Variants in CCDC146 observed in about 807,000 individuals in gnomAD.
The protein encoded by CCDC146 is coiled-coil domain-containing protein 146.
CCDC146 carries 92 observed loss-of-function variants against 119.3 expected under a neutral mutation model. The observed-to-expected ratio is 0.77, with a 90% CI of 0.65 to 0.92. CCDC146 has a LOEUF of 0.92. Among genes scored for constraint, CCDC146 ranks in the 40% least tolerant of loss-of-function variants. CCDC146 has a pLI of 0.00. For synonymous variants in CCDC146, 372 were observed against 371.8 expected, an observed-to-expected ratio of 1.00 and a Z score of -0.01; for missense variants, 1,000 against 1,103.0, an observed-to-expected ratio of 0.91 and a Z score of 1.32.
chr7:77,188,936 C>T (rs540967933), intron 2 of CCDC146, among the ~76,000 whole-genome samples: 313 of 152,232 alleles, frequency 2.1e-3, no homozygotes, highest in African/African-American at 7.3e-3. Flanking sequence ...TCCTCCTCAT[C>T]TCCAACTTCT....
rs572229973 is a variant in CCDC146 at position 77,284,329 on chromosome 7, C to T, written c.2148+1544C>T. ...CCTTGTACCACACCCTTGCCTAGCT[C>T]GATTTCACTGGCTTCTCTTTCACCT... On this transcript the variant is annotated intron_variant, in intron 15 of 18. Coordinates refer to ENST00000285871, the MANE Select transcript of CCDC146 (RefSeq NM_020879.3). Among the ~76,000 whole-genome samples the T allele has an allele frequency of 5.9e-5, 9 of 152,192 alleles. No homozygotes were observed. In the East Asian group the frequency reaches 1.2e-3, roughly 20 times the overall value.
At chr7:77,169,406 C>T (rs1283379578) in intron 2 of CCDC146, among the ~76,000 whole-genome samples, 3 of 152,214 alleles carry the variant, frequency 2.0e-5, no homozygotes, top group African/African-American at 4.8e-5. Context: ...AAGAGATACT[C>T]TGAGACTATG....
At chr7:77,241,926 A>G (rs1378450881) in intron 4 of CCDC146, 26 bp downstream of exon 4, 2 of 1,552,578 alleles carry the variant, frequency 1.3e-6, no homozygotes, top group East Asian at 2.2e-5. Flanking sequence ...TCTCCGGCAC[A>G]CTGAAAAGTC....
chr7:77,187,526 A>G (rs750168938), intron 2 of CCDC146, among the ~76,000 whole-genome samples: 16 of 152,318 alleles, frequency 1.1e-4, no homozygotes, highest in Non-Finnish European at 2.2e-4. Context: ...TTAGGGCCTC[A>G]GCGCCACTCT....
chr7:77,230,937 T>C (rs969492739), intron 2 of CCDC146, among the ~76,000 whole-genome samples: 4 of 152,218 alleles, frequency 2.6e-5, no homozygotes, highest in Non-Finnish European at 5.9e-5. Context: ...CCCCCCACCA[T>C]CTGCAATTTT....
At chr7:77,197,883 A>G (rs1417663090) in intron 2 of CCDC146, among the ~76,000 whole-genome samples, 1 of 152,202 alleles carries the variant, frequency 6.6e-6, no homozygotes, top group Admixed American at 6.5e-5. Flanking sequence ...ATCAGTTAAC[A>G]AAGTTCTGTA....
intron 1 of CCDC146, among the ~76,000 whole-genome samples, chr7:77,153,005 C>T (rs1791128866): frequency 6.6e-6 from 1 of 152,116 alleles, no homozygotes; most frequent in Non-Finnish European, 1.5e-5. Flanking sequence ...CCCAACGTCA[C>T]CCAGGAAGGA....
At position 77,130,578 on chromosome 7, in the gene CCDC146, A is replaced by G. The variant is rs548233219; in HGVS notation, c.-12+7846A>G. Reference sequence around the variant, plus strand: ...TAACAGGACCCAGAGCTTCATAGCCAGCATAATATCCTTTCTTTCTTTTTT... The same window carrying G: ...TAACAGGACCCAGAGCTTCATAGCCGGCATAATATCCTTTCTTTCTTTTTT... On this transcript the variant is annotated intron_variant, in intron 1 of 18. Transcript: ENST00000285871. Among the ~76,000 whole-genome samples the G allele has an allele frequency of 4.0e-4, 60 of 151,374 alleles. No individual in the cohort carries two copies. The South Asian group carries it at 0.012, about 30-fold the overall frequency.
intron 11 of CCDC146, among the ~76,000 whole-genome samples, chr7:77,275,044 TAAAAA>T (rs1230668676): frequency 7.3e-6 from 1 of 136,716 alleles, no homozygotes; most frequent in Non-Finnish European, 1.6e-5. Context: ...ATATAAATAT[TAAAAA>T]AAGAACTGGA....
chr7:77,144,118 AAGAGGTCC>A (rs1311587513), intron 1 of CCDC146, among the ~76,000 whole-genome samples: 1 of 151,664 alleles, frequency 6.6e-6, no homozygotes, highest in African/African-American at 2.4e-5. Context: ...GTTCTCCTTG[AAGAGGTCC>A]TTCACATCCC....
At chr7:77,259,893 T>A (rs1187639746) in intron 7 of CCDC146, 116 bp from the exon 8 acceptor site, 1 of 712,268 alleles carries the variant, frequency 1.4e-6, no homozygotes, top group African/African-American at 1.8e-5. Context: ...GCTGCATGGT[T>A]AGAAAGCAAG....
chr7:77,271,658 A>G (rs946716750), intron 9 of CCDC146, among the ~76,000 whole-genome samples: 13 of 149,844 alleles, frequency 8.7e-5, no homozygotes, highest in African/African-American at 2.7e-4. Flanking sequence ...TCTGCTACCA[A>G]TGGCTTATCA....
At position 77,126,070 on chromosome 7, in the gene CCDC146, A is replaced by G. The variant is rs868793500; in HGVS notation, c.-12+3338A>G. ...TTTCCTATTTATGAGGGAAATTTCA[A>G]CAACAATTAGGAAGTTAGCAGTAGA... On this transcript the variant is annotated intron_variant, in intron 1 of 18. Coordinates refer to ENST00000285871, the MANE Select transcript of CCDC146 (RefSeq NM_020879.3). 3.5e-4 allele frequency among the ~76,000 whole-genome samples: 53 copies of G among 152,254 alleles called. 1 individual carries two copies. Among genetic ancestry groups the G allele is most frequent in the Middle Eastern group, 6.8e-3 (2 of 294 alleles).
chr7:77,207,011 A>G (rs148569490), intron 2 of CCDC146, among the ~76,000 whole-genome samples: 1 of 152,186 alleles, frequency 6.6e-6, no homozygotes, highest in Admixed American at 6.5e-5. Flanking sequence ...AAAGATTCTT[A>G]ACTTTATCTT....
chr7:77,241,965 T>C, intron 4 of CCDC146, 65 bp downstream of exon 4: 6 of 1,302,550 alleles, frequency 4.6e-6, no homozygotes, highest in Non-Finnish European at 4.4e-6. Flanking sequence ...AAAAATCAGA[T>C]TAAGTTGGAG....
At chr7:77,231,079 C>T (rs1792618387) in intron 2 of CCDC146, among the ~76,000 whole-genome samples, 1 of 152,120 alleles carries the variant, frequency 6.6e-6, no homozygotes, top group Non-Finnish European at 1.5e-5. Context: ...TCTCATGTTC[C>T]CACACCATCC....
chr7:77,266,801 T>A (rs1793410993), intron 9 of CCDC146, among the ~76,000 whole-genome samples: 1 of 151,764 alleles, frequency 6.6e-6, no homozygotes. Flanking sequence ...AAATTTATAT[T>A]CTTAAGTGAC....
intron 2 of CCDC146, among the ~76,000 whole-genome samples, chr7:77,170,995 A>C (rs549691035): frequency 7.9e-5 from 12 of 152,224 alleles, no homozygotes; most frequent in African/African-American, 2.4e-4. Flanking sequence ...CTCTAATCTT[A>C]ATATTTTAAG....
rs1281208584 is a variant in CCDC146 at position 77,138,965 on chromosome 7, A to T, written c.-12+16233A>T. On this transcript the variant is annotated intron_variant, in intron 1 of 18. Coordinates refer to ENST00000285871, the MANE Select transcript of CCDC146 (RefSeq NM_020879.3). ...TGGAAGATAGGCAGCGTCTTACAAA[A>T]CTAAATATACTCTTAACATATATCC... Among the ~76,000 whole-genome samples the T allele has an allele frequency of 2.0e-5, 3 of 152,222 alleles. No homozygotes were observed. The East Asian group carries it at 5.8e-4, about 29-fold the overall frequency.
Sources: allele counts gnomAD v4.1 joint callset (sites outside exome capture counted in the v4.1 genomes callset), GRCh38; gene constraint gnomAD v4.1.1; transcripts MANE v1.5; gene names NCBI Gene and HGNC (gene_info 2026-07-23, HGNC 2026-07-21).